The following ADAMTSL1 variants were observed in gnomAD, a reference collection of about 807,000 sequenced individuals.
ADAMTSL1 encodes the protein ADAMTS-like protein 1.
ADAMTSL1 carries 126 observed loss-of-function variants against 201.8 expected under a neutral mutation model. The observed-to-expected ratio is 0.62, with a 90% confidence interval of 0.54 to 0.72. ADAMTSL1 has a LOEUF of 0.72. Among genes scored for constraint, ADAMTSL1 ranks in the 30% least tolerant of loss-of-function variants. The pLI, the probability that ADAMTSL1 is intolerant of heterozygous loss-of-function variation, is 0.00. For missense variants in ADAMTSL1, 2,679 were observed against 2,277.8 expected, an observed-to-expected ratio of 1.18 and a Z score of -3.59; for synonymous variants, 1,121 against 903.4, an observed-to-expected ratio of 1.24 and a Z score of -4.32.
chr9:18,252,034 A>C (rs1168620725), intron 2 of ADAMTSL1, among the ~76,000 whole-genome samples: 1 of 152,130 alleles, frequency 6.6e-6, no homozygotes, highest in Admixed American at 6.5e-5. Context: ...ATTTCCTACC[A>C]AGACAGGAAA....
intron 27 of ADAMTSL1, 36 bp downstream of exon 27, chr9:18,905,927 C>T (rs1424844137): frequency 2.0e-6 from 3 of 1,517,238 alleles, no homozygotes; most frequent in South Asian, 1.2e-5. Flanking sequence ...TTCCCAGCCC[C>T]ATGTCAACAG....
At chr9:17,999,947 T>C (rs1307430817) in intron 1 of ADAMTSL1, among the ~76,000 whole-genome samples, 5 of 148,354 alleles carry the variant, frequency 3.4e-5, no homozygotes, top group South Asian at 2.1e-4. Context: ...TCATTTTTTA[T>C]GGCTGCATAG....
intron 1 of ADAMTSL1, among the ~76,000 whole-genome samples, chr9:18,123,938 C>A (rs1293523623): frequency 6.6e-6 from 1 of 152,140 alleles, no homozygotes. Context: ...TCCAATTTGT[C>A]CACATTCTTG....
intron 2 of ADAMTSL1, among the ~76,000 whole-genome samples, chr9:18,396,597 A>C (rs912419233): frequency 2.0e-5 from 3 of 148,832 alleles, no homozygotes; most frequent in Non-Finnish European, 4.5e-5. Flanking sequence ...TTAAATTTTA[A>C]TAAATATTTT....
chr9:18,319,767 C>T (rs1834549424), intron 2 of ADAMTSL1, among the ~76,000 whole-genome samples: 1 of 152,194 alleles, frequency 6.6e-6, no homozygotes, highest in African/African-American at 2.4e-5. Context: ...GAATAATGTT[C>T]ACCTGCCCTA....
chr9:17,916,821 T>C (rs1156852504), intron 1 of ADAMTSL1, among the ~76,000 whole-genome samples: 1 of 152,182 alleles, frequency 6.6e-6, no homozygotes, highest in African/African-American at 2.4e-5. Flanking sequence ...AAAAGATGCA[T>C]GCGGGGATTT....
At chr9:18,511,796 T>C (rs1241461380) in intron 2 of ADAMTSL1, among the ~76,000 whole-genome samples, 1 of 152,206 alleles carries the variant, frequency 6.6e-6, no homozygotes, top group African/African-American at 2.4e-5. Flanking sequence ...TAATAATAAA[T>C]ACCAAAAGAA....
At chr9:17,968,918 T>C (rs1818087627) in intron 1 of ADAMTSL1, among the ~76,000 whole-genome samples, 1 of 152,058 alleles carries the variant, frequency 6.6e-6, no homozygotes, top group South Asian at 2.1e-4. Flanking sequence ...GTACAGCTAG[T>C]ACTGGTTTTT....
chr9:18,678,131 G>A (rs75807192), intron 10 of ADAMTSL1, among the ~76,000 whole-genome samples: 1,929 of 152,130 alleles, frequency 0.013, 42 homozygotes, highest in African/African-American at 0.045. Flanking sequence ...TAATTGTCTT[G>A]ATTTATAATT....
intron 2 of ADAMTSL1, among the ~76,000 whole-genome samples, chr9:18,184,727 AG>A (rs1163503076): frequency 6.6e-6 from 1 of 152,244 alleles, no homozygotes; most frequent in African/African-American, 2.4e-5. Context: ...CATCTATAGA[AG>A]AAAAAAATAT....
chr9:18,364,115 T>C (rs1836651983), intron 2 of ADAMTSL1, among the ~76,000 whole-genome samples: 1 of 152,162 alleles, frequency 6.6e-6, no homozygotes, highest in Non-Finnish European at 1.5e-5. Context: ...TGGAGTCCAC[T>C]GCCAAGCCCT....
chr9:18,144,791 T>C (rs1262429332), intron 1 of ADAMTSL1, among the ~76,000 whole-genome samples: 1 of 152,156 alleles, frequency 6.6e-6, no homozygotes, highest in African/African-American at 2.4e-5. Context: ...GTCCATGTAC[T>C]CCAGTAGCTT....
intron 2 of ADAMTSL1, among the ~76,000 whole-genome samples, chr9:18,170,395 A>G (rs537698118): frequency 2.0e-4 from 31 of 152,210 alleles, no homozygotes; most frequent in African/African-American, 7.5e-4. Flanking sequence ...ATTTGGCAAT[A>G]TAGAGCTATT....
chr9:18,493,463 C>T (rs1176233815), intron 1 of ADAMTSL1, among the ~76,000 whole-genome samples: 1 of 152,188 alleles, frequency 6.6e-6, no homozygotes, highest in Non-Finnish European at 1.5e-5. Flanking sequence ...GCACACTCAT[C>T]TTCAAAAGCA....
intron 7 of ADAMTSL1, among the ~76,000 whole-genome samples, chr9:18,649,159 C>T (rs1006096635): frequency 9.2e-5 from 14 of 152,302 alleles, no homozygotes; most frequent in Admixed American, 9.2e-4. Context: ...GACTGATAAC[C>T]TTTCTTCCAG....
At chr9:18,022,428 A>T (rs1378190976) in intron 1 of ADAMTSL1, among the ~76,000 whole-genome samples, 1 of 152,086 alleles carries the variant, frequency 6.6e-6, no homozygotes, top group Non-Finnish European at 1.5e-5. Context: ...TGCTGCCACA[A>T]TATCCTCCCT....
intron 2 of ADAMTSL1, among the ~76,000 whole-genome samples, chr9:18,182,943 A>G (rs572734664): frequency 6.6e-5 from 10 of 152,336 alleles, no homozygotes; most frequent in African/African-American, 2.2e-4. Context: ...GAACCAGCTT[A>G]AATATCTGGC....
At chr9:18,768,596 A>C (rs1270854467) in intron 16 of ADAMTSL1, among the ~76,000 whole-genome samples, 2 of 151,392 alleles carry the variant, frequency 1.3e-5, no homozygotes, top group African/African-American at 4.9e-5. Flanking sequence ...TTCCTAGGGG[A>C]CTCAATTATT....
chr9:18,823,724 C>T (rs1417451623), intron 21 of ADAMTSL1, among the ~76,000 whole-genome samples: 2 of 152,142 alleles, frequency 1.3e-5, no homozygotes, highest in African/African-American at 2.4e-5. Flanking sequence ...CATGGTGGCT[C>T]GTGCCTGTAA....
Sources: allele counts gnomAD v4.1 joint callset (sites outside exome capture counted in the v4.1 genomes callset), GRCh38; gene constraint gnomAD v4.1.1; transcripts MANE v1.5; gene names NCBI Gene and HGNC (gene_info 2026-07-23, HGNC 2026-07-21).